Variants in MYLK observed in about 807,000 individuals in gnomAD.
MYLK encodes myosin light chain kinase, also known as myosin light chain kinase, smooth muscle.
Under a neutral mutation model 203.4 loss-of-function variants are expected in MYLK, and 106 were observed. The observed-to-expected ratio is 0.52, with a 90% CI of 0.45 to 0.61. The LOEUF (loss-of-function observed/expected upper bound fraction) is 0.61, where lower values mean the gene tolerates loss of function less well. Among genes scored for constraint, MYLK ranks in the 20% least tolerant of loss-of-function variants. The probability of loss-of-function intolerance (pLI) is 0.00; values close to 1 mark genes in which losing one functional copy is unlikely to be tolerated. For synonymous variants in MYLK, 867 were observed against 959.5 expected (o/e 0.90, Z 1.78); for missense variants, 2,072 against 2,442.3 (o/e 0.85, Z 3.20).
chr3:123,788,827 C>G (rs1229844837), intron 4 of MYLK, among the ~76,000 whole-genome samples: 1 of 152,174 alleles, frequency 6.6e-6, no homozygotes, highest in East Asian at 1.9e-4. Flanking sequence ...CCCACCTCAG[C>G]AAACGCTAAG....
chr3:123,842,104 C>A (rs948319480), intron 2 of MYLK, among the ~76,000 whole-genome samples: 9 of 151,990 alleles, frequency 5.9e-5, no homozygotes, highest in Non-Finnish European at 8.8e-5. Context: ...TATACAATAT[C>A]TATCTATATC....
At chr3:123,626,429 A>G (rs1220452352) in intron 31 of MYLK, among the ~76,000 whole-genome samples, 4 of 152,210 alleles carry the variant, frequency 2.6e-5, no homozygotes, top group Admixed American at 1.3e-4. Flanking sequence ...CTCCTTCATC[A>G]TAAAGAAATG....
chr3:123,684,853 G>A (rs1458579185), intron 19 of MYLK, among the ~76,000 whole-genome samples: 2 of 152,222 alleles, frequency 1.3e-5, no homozygotes, highest in Non-Finnish European at 2.9e-5. Context: ...AGGAAGAGGA[G>A]TACAGGGCAG....
rs192554533 is a variant in MYLK at position 123,759,557 on chromosome 3, G to A, written c.166-7019C>T. On this transcript the variant is annotated intron_variant, in intron 4 of 33. Coordinates refer to ENST00000360304, the MANE Select transcript of MYLK (RefSeq NM_053025.4). ...GCAGCATTCCTCTCCTTTGGAGGAA[G>A]TGCCTCCTCCCTTTCCACCCATTAT... Among the ~76,000 whole-genome samples the A allele has an allele frequency of 2.3e-3, 357 of 152,354 alleles. 6 individuals carry two copies. The highest frequency in any genetic ancestry group is 7.7e-4 in the East Asian group (4 of 5,194).
intron 2 of MYLK, among the ~76,000 whole-genome samples, chr3:123,844,811 TCTC>T (rs1437122124): frequency 7.3e-6 from 1 of 136,940 alleles, no homozygotes; most frequent in Non-Finnish European, 1.5e-5. Context: ...ATATAACTCT[TCTC>T]CTCAGTTGTT....
intron 2 of MYLK, among the ~76,000 whole-genome samples, chr3:123,844,598 T>C (rs1029313575): frequency 2.0e-5 from 3 of 152,124 alleles, no homozygotes; most frequent in African/African-American, 4.8e-5. Context: ...CAGGAGCAAT[T>C]GACCACTCCA....
chr3:123,838,768 A>C (rs1168440656), intron 2 of MYLK, among the ~76,000 whole-genome samples: 1 of 152,174 alleles, frequency 6.6e-6, no homozygotes, highest in Admixed American at 6.5e-5. Context: ...AAGAAGTATA[A>C]TGATAAGCCA....
intron 2 of MYLK, among the ~76,000 whole-genome samples, chr3:123,871,887 C>A (rs373952257): frequency 1.0e-4 from 5 of 49,392 alleles, no homozygotes; most frequent in African/African-American, 2.3e-4. Context: ...CAAAAAACTT[C>A]AATGAAATTG....
intron 3 of MYLK, among the ~76,000 whole-genome samples, chr3:123,805,091 C>A (rs548982204): frequency 6.6e-6 from 1 of 152,284 alleles, no homozygotes; most frequent in East Asian, 1.9e-4. Context: ...GTTGCCATCA[C>A]TCGTTTGGCT....
intron 11 of MYLK, among the ~76,000 whole-genome samples, chr3:123,729,654 G>A (rs2062408271): frequency 6.6e-6 from 1 of 152,170 alleles, no homozygotes; most frequent in Admixed American, 6.5e-5. Context: ...GGCTAAAGTG[G>A]GAGGACTGTT....
intron 13 of MYLK, among the ~76,000 whole-genome samples, chr3:123,711,572 C>T (rs967780551): frequency 1.2e-4 from 19 of 152,194 alleles, no homozygotes; most frequent in African/African-American, 3.9e-4. Flanking sequence ...CTGCCATCCA[C>T]GTCTCACAGG....
chr3:123,831,199 G>A lies in MYLK; in HGVS notation c.-4+349C>T, dbSNP rs181908352. Among the ~76,000 whole-genome samples, 24 of 152,324 alleles carry A rather than the reference G, an allele frequency of 1.6e-4. No individual in the cohort carries two copies. The East Asian group carries it at 4.1e-3, about 26-fold the overall frequency. On this transcript the variant is annotated intron_variant, in intron 3 of 33. Coordinates refer to ENST00000360304, the MANE Select transcript of MYLK (RefSeq NM_053025.4). ...GAGCAGCAGGAGGAGAAAGTTTTCA[G>A]CCAGCTTGGAAGGATGGAGTACCAC...
chr3:123,733,989 G>A lies in MYLK; in HGVS notation c.1007C>T (p.Pro336Leu), dbSNP rs35912339. 2.0e-3 allele frequency: 3,235 copies of A among 1,614,150 alleles called. 13 individuals are homozygous for A. Among genetic ancestry groups the A allele is most frequent in the South Asian group, 3.6e-3 (331 of 91,066 alleles). The change falls in exon 10 of 34, where the codon CCG becomes CTG. Residue 336 changes from proline to leucine, a missense_variant. By Grantham distance (98) the Pro-to-Leu change is moderately conservative. Transcript: ENST00000360304. ...KDSPRTAPQT[P>L]VLQKTSSSIT... ...GGAGCTGGAAGTCTTCTGAAGGACCGGGGTCTGCGGGGCCGTTCTGGGCGA... is the reference window on the plus strand; with the variant it reads ...GGAGCTGGAAGTCTTCTGAAGGACCAGGGTCTGCGGGGCCGTTCTGGGCGA...
At position 123,733,969 on chromosome 3, in the gene MYLK, T is replaced by C. The variant is rs2062585123; in HGVS notation, c.1027A>G (p.Ser343Gly). Residue 343 changes from serine to glycine, a missense_variant, in exon 10 of 34, where the codon AGC (serine) becomes GGC (glycine). Coordinates refer to ENST00000360304, the MANE Select transcript of MYLK (RefSeq NM_053025.4). ...PQTPVLQKTS[S>G]SITLQAARVQ... is the part of the protein sequence containing the mutation. Reference sequence around the variant, plus strand: ...CTTGCGGCCTGCAGGGTGATGGAGCTGGAAGTCTTCTGAAGGACCGGGGTC... The same window carrying C: ...CTTGCGGCCTGCAGGGTGATGGAGCCGGAAGTCTTCTGAAGGACCGGGGTC... 1.9e-6 allele frequency: 3 copies of C among 1,614,200 alleles called. No individual in the cohort carries two copies. The highest frequency in any genetic ancestry group is 2.5e-6 in the Non-Finnish European group (3 of 1,180,034).
At chr3:123,684,853 G>T (rs1458579185) in intron 19 of MYLK, among the ~76,000 whole-genome samples, 1 of 152,222 alleles carries the variant, frequency 6.6e-6, no homozygotes, top group Admixed American at 6.5e-5. Flanking sequence ...AGGAAGAGGA[G>T]TACAGGGCAG....
chr3:123,808,670 C>T (rs2065452671), intron 3 of MYLK, among the ~76,000 whole-genome samples: 1 of 152,138 alleles, frequency 6.6e-6, no homozygotes, highest in Non-Finnish European at 1.5e-5. Context: ...GAAAGGAAAC[C>T]TAAGGTCCAG....
In MYLK at chr3:123,808,692, G is replaced by A. The variant is rs1307898292; in HGVS notation, c.-3-14848C>T. On this transcript the variant is annotated intron_variant, in intron 3 of 33. Coordinates refer to ENST00000360304, the MANE Select transcript of MYLK (RefSeq NM_053025.4). ...AACCTAAGGTCCAGACAAGTGCAGT[G>A]ACTGAACCACATATCGATTGTCACT... Among the ~76,000 whole-genome samples the A allele has an allele frequency of 2.6e-5, 4 of 152,304 alleles. No individual in the cohort carries two copies. In the East Asian group the frequency reaches 5.8e-4, roughly 22 times the overall value.
In MYLK at chr3:123,682,308, C is replaced by T. The variant is rs775369609; in HGVS notation, c.3568G>A (p.Ala1190Thr). The change falls in exon 20 of 34, where the codon GCT (alanine) becomes ACT (threonine). Residue 1190 changes from alanine to threonine, a missense_variant and splice_region_variant. Physicochemically the swap from Ala to Thr is moderately conservative, Grantham distance 58. Coordinates refer to ENST00000360304, the MANE Select transcript of MYLK (RefSeq NM_053025.4). ...GCCTTGGTGTTCTCACTGGCTGGAG[C>T]ATCTGGAATGAAACAGGTAACAATA... is the stretch of plus-strand genomic sequence containing the variant. ...ECSCQVTVDD[A>T]PASENTKAPE... 1.3e-6 allele frequency: 2 copies of T among 1,595,948 alleles called. No homozygotes were observed. The highest frequency in any genetic ancestry group is 2.3e-5 in the South Asian group (2 of 87,556).
At chr3:123,803,922 C>G (rs2065280772) in intron 3 of MYLK, among the ~76,000 whole-genome samples, 1 of 152,182 alleles carries the variant, frequency 6.6e-6, no homozygotes, top group Non-Finnish European at 1.5e-5. Context: ...CAGAGAAGAG[C>G]TGGGGCTGGA....
Sources: allele counts gnomAD v4.1 joint callset (sites outside exome capture counted in the v4.1 genomes callset), GRCh38; gene constraint gnomAD v4.1.1; transcripts MANE v1.5; gene names NCBI Gene and HGNC (gene_info 2026-07-23, HGNC 2026-07-21).